Variants in CDKL4 observed in about 807,000 individuals in gnomAD.
CDKL4 encodes cyclin dependent kinase like 4.
CDKL4 carries 44 observed loss-of-function variants against 42.0 expected under a neutral mutation model. The ratio of observed to expected loss-of-function variants is 1.05; its 90% CI spans 0.82 to 1.35. The LOEUF is 1.35. CDKL4 is among the 40% of genes most tolerant of loss of function. CDKL4 has a pLI of 0.00. For missense variants in CDKL4, 393 were observed against 369.9 expected, an observed-to-expected ratio of 1.06 and a Z score of -0.51; for synonymous variants, 120 against 121.6, an observed-to-expected ratio of 0.99 and a Z score of 0.09.
intron 8 of CDKL4, among the ~76,000 whole-genome samples, chr2:39,180,729 C>T (rs1247742534): frequency 7.4e-6 from 1 of 134,572 alleles, no homozygotes; most frequent in Admixed American, 8.3e-5. Context: ...CTCGTTCTGT[C>T]ACCCAGGCTG....
chr2:39,227,100 T>C (rs1678795472), intron 2 of CDKL4, among the ~76,000 whole-genome samples: 1 of 152,170 alleles, frequency 6.6e-6, no homozygotes, highest in African/African-American at 2.4e-5. Flanking sequence ...CAGGACACTT[T>C]TGAAAGGGGA....
rs1267949770 is a variant in CDKL4 at position 39,185,208 on chromosome 2, G to A, written c.736-561C>T. 4.8e-4 allele frequency among the ~76,000 whole-genome samples: 7 copies of A among 14,524 alleles called. 2 individuals are homozygous for A. The highest frequency in any genetic ancestry group is 2.3e-4 in the Non-Finnish European group (1 of 4,424). The allele number at this position is 14,524 out of a possible 152,430, so 9.5% of individuals were successfully genotyped here. A position where few individuals can be genotyped will look rare whatever the true frequency, so the allele number is the denominator to read the frequency against. Reference sequence around the variant, plus strand: ...TGTATATACATATATATACACATACGTATATATACATATATACACATACGT... The same window carrying A: ...TGTATATACATATATATACACATACATATATATACATATATACACATACGT... On this transcript the variant is annotated intron_variant, in intron 7 of 9. Transcript: ENST00000451199.
At chr2:39,194,515 G>C (rs1382666735) in intron 5 of CDKL4, among the ~76,000 whole-genome samples, 1 of 152,014 alleles carries the variant, frequency 6.6e-6, no homozygotes, top group Non-Finnish European at 1.5e-5. Flanking sequence ...TACTCTGCCA[G>C]CTTCATTGGT....
intron 3 of CDKL4, among the ~76,000 whole-genome samples, chr2:39,220,965 A>G (rs1459957901): frequency 9.4e-6 from 1 of 106,176 alleles, no homozygotes; most frequent in South Asian, 3.1e-4. Flanking sequence ...CGCATTCACT[A>G]CATCGACGAT....
intron 1 of CDKL4, among the ~76,000 whole-genome samples, chr2:39,236,521 C>T (rs1469902701): frequency 1.3e-5 from 2 of 152,060 alleles, no homozygotes; most frequent in South Asian, 2.1e-4. Flanking sequence ...TAGCCAAACT[C>T]CTGAAAGCTA....
rs575020326 is a variant in CDKL4 at position 39,235,371 on chromosome 2, A to T, written c.-56-5783T>A. Among the ~76,000 whole-genome samples, 9 of 152,370 alleles carry T rather than the reference A, an allele frequency of 5.9e-5. No individual in the cohort carries two copies. In the East Asian group the frequency reaches 1.5e-3, roughly 26 times the overall value. ...AGTGGAAGAATAAGAAAAAAATATTATAAATTCTGACAAAGTAGAAAGTAA... is the reference window on the plus strand; with the variant it reads ...AGTGGAAGAATAAGAAAAAAATATTTTAAATTCTGACAAAGTAGAAAGTAA... On this transcript the variant is annotated intron_variant, in intron 1 of 9. Transcript: ENST00000451199.
intron 9 of CDKL4, 183 bp downstream of exon 9, chr2:39,179,004 G>C: frequency 2.8e-6 from 4 of 1,447,902 alleles, no homozygotes; most frequent in Non-Finnish European, 3.6e-6. Context: ...CAATAATCTT[G>C]ATATTTTCAT....
At chr2:39,229,191 G>C (rs1171059822) in intron 2 of CDKL4, among the ~76,000 whole-genome samples, 174 bp downstream of exon 2, 1 of 152,172 alleles carries the variant, frequency 6.6e-6, no homozygotes, top group Admixed American at 6.5e-5. Context: ...TTCATACACA[G>C]ACAAAATCAG....
upstream of CDKL4, among the ~76,000 whole-genome samples, chr2:39,244,687 C>T (rs995161081): frequency 1.2e-3 from 176 of 152,370 alleles, no homozygotes; most frequent in African/African-American, 4.1e-3. Context: ...TGGCAGGCAG[C>T]TCCACCTGCA....
chr2:39,190,659 GCATTGAGATAGTAAATTTGA>G (rs1325391536), intron 5 of CDKL4, among the ~76,000 whole-genome samples, 157 bp from the exon 6 acceptor site: 1 of 152,186 alleles, frequency 6.6e-6, no homozygotes, highest in Non-Finnish European at 1.5e-5. Flanking sequence ...CAGTTACTGT[GCATTGAGATAGTAAATTTGA>G]CATTCAAGAG....
At chr2:39,207,875 G>T (rs1677300822) in intron 4 of CDKL4, among the ~76,000 whole-genome samples, 1 of 152,172 alleles carries the variant, frequency 6.6e-6, no homozygotes, top group Admixed American at 6.5e-5. Context: ...GCTTAGGCAG[G>T]CAGATCACCT....
intron 8 of CDKL4, among the ~76,000 whole-genome samples, chr2:39,182,453 C>T (rs539006608): frequency 6.6e-5 from 10 of 152,198 alleles, no homozygotes; most frequent in Non-Finnish European, 1.2e-4. Flanking sequence ...CTGCTTAATT[C>T]TGAAGCATTG....
intron 4 of CDKL4, 128 bp from the exon 5 acceptor site, chr2:39,204,745 C>T: frequency 2.2e-6 from 1 of 455,882 alleles, no homozygotes; most frequent in Non-Finnish European, 3.8e-6. Flanking sequence ...CTTCACTTTT[C>T]TAAAAGAACT....
intron 3 of CDKL4, among the ~76,000 whole-genome samples, chr2:39,215,755 G>A (rs1028841474): frequency 6.6e-5 from 10 of 152,272 alleles, no homozygotes; most frequent in South Asian, 2.1e-4. Flanking sequence ...TGATGTACAC[G>A]GTATTTTCCT....
intron 9 of CDKL4, chr2:39,178,548 T>A: frequency 1.3e-6 from 2 of 1,550,810 alleles, no homozygotes; most frequent in Non-Finnish European, 1.7e-6. Flanking sequence ...CCATGGAGTT[T>A]ACGATTTAAC....
chr2:39,224,784 C>T (rs921932935), intron 3 of CDKL4, among the ~76,000 whole-genome samples: 46 of 152,114 alleles, frequency 3.0e-4, no homozygotes, highest in African/African-American at 1.1e-3. Context: ...GACACTGCAC[C>T]CAGCCATTCT....
intron 4 of CDKL4, among the ~76,000 whole-genome samples, chr2:39,204,850 T>C (rs921578512): frequency 2.0e-5 from 3 of 152,164 alleles, no homozygotes; most frequent in African/African-American, 7.2e-5. Context: ...GAAATTATAA[T>C]TGTATATAAA....
At chr2:39,217,227 C>A (rs1046948003) in intron 3 of CDKL4, among the ~76,000 whole-genome samples, 1 of 152,142 alleles carries the variant, frequency 6.6e-6, no homozygotes, top group African/African-American at 2.4e-5. Flanking sequence ...CAGTGCAAAA[C>A]CAAATATTCG....
At chr2:39,190,719 T>C (rs6544209) in intron 5 of CDKL4, among the ~76,000 whole-genome samples, 111,992 of 152,034 alleles carry the variant, frequency 0.74, 45,604 homozygotes, top group Non-Finnish European at 0.91. Flanking sequence ...CTCTTACTAC[T>C]CCAAACTGGG....
Sources: gnomAD v4.1 joint callset for allele counts (sites outside exome capture counted in the v4.1 genomes callset) on GRCh38, gnomAD v4.1.1 for gene constraint, MANE v1.5 for transcripts, NCBI Gene and HGNC (gene_info 2026-07-23, HGNC 2026-07-21) for gene names.